Variants in CD22 observed in about 807,000 individuals in gnomAD.
CD22 encodes B-cell receptor CD22.
A neutral mutation model predicts 94.7 loss-of-function variants in CD22; 51 were observed. The ratio of observed to expected loss-of-function variants is 0.54; its 90% CI spans 0.43 to 0.68. The LOEUF (loss-of-function observed/expected upper bound fraction) is 0.68, where lower values mean the gene tolerates loss of function less well. Among genes scored for constraint, CD22 ranks in the 30% least tolerant of loss-of-function variants. The pLI is 0.00. For missense variants in CD22, 931 were observed against 1,060.4 expected, an observed-to-expected ratio of 0.88 and a Z score of 1.69; for synonymous variants, 424 against 422.5, an observed-to-expected ratio of 1.00 and a Z score of -0.04.
At chr19:35,342,091 CCCTCCT>C (rs965999690) in intron 9 of CD22, 126 bp downstream of exon 9, 1 of 825,548 alleles carries the variant, frequency 1.2e-6, no homozygotes, top group Middle Eastern at 3.2e-4. Context: ...CCTCTTCTTC[CCCTCCT>C]CCTCCTCTTC....
intron 9 of CD22, 42 bp downstream of exon 9, chr19:35,342,007 GTCCTTCCT>G (rs71167534): frequency 0.015 from 15,683 of 1,028,608 alleles, 569 homozygotes; most frequent in African/African-American, 0.12. Flanking sequence ...GTGGTGGTCA[GTCCTTCCT>G]TCCTTCCTTC....
intron 9 of CD22, among the ~76,000 whole-genome samples, chr19:35,342,843 A>G (rs1015568384): frequency 6.6e-6 from 1 of 151,084 alleles, no homozygotes; most frequent in Non-Finnish European, 1.5e-5. Context: ...CGGAGTCTCG[A>G]TCTGTCACCC....
Position 35,346,748 on chromosome 19 carries a change from T to A in CD22, c.*51T>A. On this transcript the variant is annotated 3_prime_UTR_variant, in exon 14 of 14. Transcript: ENST00000085219. ...CTGGGGGCAGCGGGGGCCAGGGAAG[T>A]CCCCGAGTTTCCCCAGACACCGCCA... 1 of 1,520,574 alleles carries A rather than the reference T, an allele frequency of 6.6e-7. No homozygotes were observed. The highest frequency in any genetic ancestry group is 8.8e-7 in the Non-Finnish European group (1 of 1,130,344). The allele number at this position is 1,520,574 out of a possible 1,614,324, so 94.2% of individuals were successfully genotyped here.
intron 10 of CD22, 58 bp downstream of exon 10, chr19:35,344,983 G>T (rs1167846398): frequency 6.2e-7 from 1 of 1,600,198 alleles, no homozygotes; most frequent in Non-Finnish European, 8.6e-7. Flanking sequence ...CCCGTGTCCA[G>T]TTGCTCCATC....
chr19:35,329,193 T>A lies in CD22; in HGVS notation c.-60T>A, dbSNP rs1436937004. 1.2e-5 allele frequency: 16 copies of A among 1,289,626 alleles called. No individual in the cohort carries two copies. The highest frequency in any genetic ancestry group is 1.4e-5 in the Non-Finnish European group (14 of 988,688). 79.9% of individuals were successfully genotyped at this position (1,289,626 alleles called of 1,614,324 possible). On this transcript the variant is annotated 5_prime_UTR_variant, in exon 1 of 14. Coordinates refer to ENST00000085219, the MANE Select transcript of CD22 (RefSeq NM_001771.4). ...TACTTCTCCTTTTGCTCTCAGATGC[T>A]GCCAGGGTCCCTGAAGAGGGAAGAC...
chr19:35,343,002 T>G (rs573655307), intron 9 of CD22, among the ~76,000 whole-genome samples: 1,765 of 152,028 alleles, frequency 0.012, 14 homozygotes, highest in Non-Finnish European at 0.019. Flanking sequence ...AGTAGAGATG[T>G]GGTTTCACCG....
In CD22 at chr19:35,337,642, C is replaced by T. The variant is rs141735160; in HGVS notation, c.719-113C>T. On this transcript the variant is annotated intron_variant, in intron 4 of 13. Transcript: ENST00000085219. The surrounding 1 kb of genome is among the most constrained non-coding windows in gnomAD (Gnocchi z 4.4). ...CCGAGTTAGGAGGCTGTGACCATCA[C>T]CTGGGTGAAGGGACTGGCAGGCCAT... is the stretch of plus-strand genomic sequence containing the variant. 187 of 934,700 alleles carry T rather than the reference C, an allele frequency of 2.0e-4. No individual in the cohort carries two copies. In the African/African-American group the frequency reaches 2.7e-3, roughly 14 times the overall value. The allele number at this position is 934,700 out of a possible 1,614,324, so 57.9% of individuals were successfully genotyped here.
chr19:35,344,708 A>T, intron 9 of CD22, 121 bp from the exon 10 acceptor site: 1 of 716,844 alleles, frequency 1.4e-6, no homozygotes, highest in Non-Finnish European at 2.4e-6. Flanking sequence ...GCACCCCTGC[A>T]CGCATGCAGG....
chr19:35,342,335 A>T (rs1276825053), intron 9 of CD22, among the ~76,000 whole-genome samples: 1 of 151,830 alleles, frequency 6.6e-6, no homozygotes, highest in African/African-American at 2.4e-5. Flanking sequence ...ACATCCGGCT[A>T]ATTTTTACAT....
intron 9 of CD22, among the ~76,000 whole-genome samples, chr19:35,344,498 G>A (rs2066869914): frequency 6.6e-6 from 1 of 152,246 alleles, no homozygotes; most frequent in African/African-American, 2.4e-5. Flanking sequence ...ATGTGGAATT[G>A]CTGGGTGGAA....
At position 35,341,643 on chromosome 19, in the gene CD22, AG is replaced by A; in HGVS notation, c.1771+40del. The A allele has an allele frequency of 6.2e-7, 1 of 1,607,588 alleles. No homozygotes were observed. Among genetic ancestry groups the A allele is most frequent in the Non-Finnish European group, 8.5e-7 (1 of 1,175,616 alleles). On this transcript the variant is annotated intron_variant, in intron 8 of 13. Transcript: ENST00000085219. This position sits in a 1 kb window ranked among gnomAD's most constrained non-coding sequence, Gnocchi z 4.0. ...CCGGAGGCTGGGAGTGGAGCAGAGAAGGGACCAGTGGCCTGCCTGGTAGTGA... is the reference window on the plus strand; with the variant it reads ...CCGGAGGCTGGGAGTGGAGCAGAGAAGGACCAGTGGCCTGCCTGGTAGTGA...
At position 35,341,565 on chromosome 19, in the gene CD22, T is replaced by A. The variant is rs369129095; in HGVS notation, c.1730T>A (p.Ile577Lys). 1.9e-6 allele frequency: 3 copies of A among 1,613,920 alleles called. No homozygotes were observed. Among genetic ancestry groups the A allele is most frequent in the Non-Finnish European group, 2.5e-6 (3 of 1,179,908 alleles). ...GSYSCWVNNS[I>K]GQTASKAWTL... ...TACAGCTGCTGGGTGAACAACTCCA[T>A]AGGACAGACAGCGTCCAAGGCCTGG... is the stretch of plus-strand genomic sequence containing the variant. The change falls in exon 8 of 14, where the codon ATA becomes AAA. Residue 577 changes from isoleucine to lysine, a missense_variant. Transcript: ENST00000085219. The surrounding 1 kb of genome is among the most constrained non-coding windows in gnomAD (Gnocchi z 4.0).
At chr19:35,346,472 A>AC (rs1686787553) in intron 13 of CD22, 94 bp from the exon 14 acceptor site, 2 of 1,510,724 alleles carry the variant, frequency 1.3e-6, no homozygotes, top group Admixed American at 2.0e-5. Flanking sequence ...GGGCTTTTGG[A>AC]CCCCCGGGTG....
intron 1 of CD22, chr19:35,329,677 C>T (rs2145640878): frequency 6.0e-6 from 1 of 165,804 alleles, no homozygotes; most frequent in East Asian, 1.6e-4. Context: ...CAGTCCTGCT[C>T]TGGAGGCGCC....
Position 35,332,796 on chromosome 19 carries a change from T to C in CD22, c.284T>C (p.Leu95Pro). ...TCTGAGCAGAAAAGGGTGCAATTCCTGGGAGACAAGAATAAGAACTGCACA... is the reference window on the plus strand; with the variant it reads ...TCTGAGCAGAAAAGGGTGCAATTCCCGGGAGACAAGAATAAGAACTGCACA... ...VPSEQKRVQF[L>P]GDKNKNCTLS... The change falls in exon 3 of 14, where the codon CTG becomes CCG. Residue 95 changes from leucine to proline, a missense_variant. Transcript: ENST00000085219. The C allele has an allele frequency of 6.2e-7, 1 of 1,614,198 alleles. No individual in the cohort carries two copies. Among genetic ancestry groups the C allele is most frequent in the South Asian group, 1.1e-5 (1 of 91,090 alleles).
At chr19:35,336,470 G>A (rs2066726316) in intron 4 of CD22, 129 bp downstream of exon 4, 4 of 799,070 alleles carry the variant, frequency 5.0e-6, no homozygotes, top group African/African-American at 3.5e-5. Flanking sequence ...CCCTGGTCAC[G>A]CCGCCTTGTC....
chr19:35,336,464 G>C, intron 4 of CD22, 123 bp downstream of exon 4: 1 of 844,800 alleles, frequency 1.2e-6, no homozygotes, highest in Non-Finnish European at 1.8e-6. Context: ...CTCCAGCCCT[G>C]GTCACGCCGC....
chr19:35,330,703 A>C (rs1165376788), intron 1 of CD22: 1 of 151,964 alleles, frequency 6.6e-6, no homozygotes, highest in African/African-American at 2.4e-5. Flanking sequence ...CCGGAGACAC[A>C]CTCTGCTGTC....
At chr19:35,338,567 C>T (rs551602079) in intron 6 of CD22, 136 bp downstream of exon 6, 3 of 817,470 alleles carry the variant, frequency 3.7e-6, no homozygotes, top group Non-Finnish European at 1.9e-6. Context: ...TTCACAACTG[C>T]TGTCTCAGCT....
Sources: gnomAD v4.1 joint callset for allele counts (sites outside exome capture counted in the v4.1 genomes callset) on GRCh38, gnomAD v4.1.1 for gene constraint, Gnocchi (gnomAD v3.1) non-coding constraint, MANE v1.5 for transcripts, NCBI Gene and HGNC (gene_info 2026-07-23, HGNC 2026-07-21) for gene names.